The following METTL22 variants were observed in gnomAD, a reference collection of about 807,000 sequenced individuals.
The protein encoded by METTL22 is methyltransferase-like protein 22.
A neutral mutation model predicts 48.4 loss-of-function variants in METTL22; 51 were observed. The ratio of observed to expected loss-of-function variants is 1.05; its 90% CI spans 0.84 to 1.33. METTL22 has a LOEUF of 1.33. Ranked by LOEUF, METTL22 falls within the 40% of genes most tolerant of loss-of-function variation. The pLI is 0.00. For missense variants in METTL22, 678 were observed against 526.9 expected (o/e 1.29, Z -2.81); for synonymous variants, 255 against 214.1 (o/e 1.19, Z -1.67).
rs770518734 is a variant in METTL22, at chr16:8,642,577, G to T, written c.1010+12G>T. On this transcript the variant is annotated intron_variant, in intron 9 of 10. Transcript: ENST00000381920. Reference sequence around the variant, plus strand: ...TCGGTGGAGAAGAGGTGAGCTTTGCGCCACGGGAACCGTGCTGACGTCCCG... The same window carrying T: ...TCGGTGGAGAAGAGGTGAGCTTTGCTCCACGGGAACCGTGCTGACGTCCCG... 1.9e-6 allele frequency: 3 copies of T among 1,612,758 alleles called. No homozygotes were observed. The highest frequency in any genetic ancestry group is 2.5e-6 in the Non-Finnish European group (3 of 1,178,894).
intron 3 of METTL22, among the ~76,000 whole-genome samples, chr16:8,630,724 T>G (rs1284985274): frequency 6.6e-6 from 1 of 152,178 alleles, no homozygotes; most frequent in Non-Finnish European, 1.5e-5. Context: ...CAGCTTCCCC[T>G]CCTGCCCTGT....
the METTL22 span, among the ~76,000 whole-genome samples, chr16:8,657,789 T>C: frequency 6.6e-6 from 1 of 152,018 alleles, no homozygotes; most frequent in Non-Finnish European, 1.5e-5. Context: ...CTAAATCTAA[T>C]GACTGGTGTC....
At chr16:8,661,065 C>T in the METTL22 span, among the ~76,000 whole-genome samples, 1 of 152,188 alleles carries the variant, frequency 6.6e-6, no homozygotes, top group Non-Finnish European at 1.5e-5. Flanking sequence ...CCAGGTTCCG[C>T]GGCTTGAGGG....
At chr16:8,622,578 T>C (rs1338559155) in intron 1 of METTL22, among the ~76,000 whole-genome samples, 2 of 152,242 alleles carry the variant, frequency 1.3e-5, no homozygotes, top group African/African-American at 4.8e-5. Context: ...AGACTTTTCC[T>C]GACTAGAGAA....
At chr16:8,665,784 G>A in the METTL22 span, among the ~76,000 whole-genome samples, 18 of 152,188 alleles carry the variant, frequency 1.2e-4, no homozygotes, top group Admixed American at 7.2e-4. Flanking sequence ...CTGGCCAGGC[G>A]GAGACACCCC....
downstream of METTL22, among the ~76,000 whole-genome samples, chr16:8,650,931 G>A (rs1487347625): frequency 6.6e-6 from 1 of 152,182 alleles, no homozygotes; most frequent in Non-Finnish European, 1.5e-5. Context: ...GGCTGAGGCA[G>A]GAGAATTGGA....
At chr16:8,657,354 G>C in the METTL22 span, among the ~76,000 whole-genome samples, 3 of 152,174 alleles carry the variant, frequency 2.0e-5, no homozygotes, top group African/African-American at 7.2e-5. Context: ...TAATTTGTGC[G>C]TAGTTAAATA....
In METTL22 at chr16:8,626,377, A is replaced by G. The variant is rs544819153; in HGVS notation, c.133+579A>G. Among the ~76,000 whole-genome samples the G allele has an allele frequency of 5.5e-4, 84 of 151,896 alleles. 1 individual carries two copies. The highest frequency in any genetic ancestry group is 1.0e-3 in the Non-Finnish European group (71 of 68,008). On this transcript the variant is annotated intron_variant, in intron 2 of 10. Coordinates refer to ENST00000381920, the MANE Select transcript of METTL22 (RefSeq NM_024109.4). Reference sequence around the variant, plus strand: ...TGGGAATGCAGATACGAATGAGCCAAACTTTGCCGTCAGCAAGCCCAGGGT... The same window carrying G: ...TGGGAATGCAGATACGAATGAGCCAGACTTTGCCGTCAGCAAGCCCAGGGT...
rs75276235 is a variant in METTL22 at position 8,647,283 on chromosome 16, A to AT, written c.*1142dup. The AT allele has an allele frequency of 0.99, 153,417 of 155,334 alleles. 75,799 individuals carry two copies. The highest frequency in any genetic ancestry group is 1 in the Middle Eastern group (294 of 294). The allele number at this position is 155,334 out of a possible 1,614,324, so 9.6% of individuals were successfully genotyped here. A position where few individuals can be genotyped will look rare whatever the true frequency, so the allele number is the denominator to read the frequency against. On this transcript the variant is annotated 3_prime_UTR_variant, in exon 11 of 11. Coordinates refer to ENST00000381920, the MANE Select transcript of METTL22 (RefSeq NM_024109.4). Reference sequence around the variant, plus strand: ...AGGTCCGCAGCCTTGTGATACCCACATTACAGCGGAGAAGACTGAGGTCCA... The same window carrying AT: ...AGGTCCGCAGCCTTGTGATACCCACATTTACAGCGGAGAAGACTGAGGTCCA...
At chr16:8,623,474 G>T (rs1213774252) in intron 1 of METTL22, 1 of 152,180 alleles carries the variant, frequency 6.6e-6, no homozygotes, top group Non-Finnish European at 1.5e-5. Flanking sequence ...AGTCCTGAGA[G>T]AGCTTGATCT....
In METTL22 at chr16:8,625,793, A is replaced by C. The variant is rs2056028383; in HGVS notation, c.128A>C (p.Gln43Pro). ...ATGGTACGGCTGAACAGCGTGGGGC[A>C]GCCAGGTAAGGTCCTGGGCCCAGGT... ...HLMVRLNSVG[Q>P]PVFLSQFKLL... The change falls in exon 2 of 11, where the codon CAG becomes CCG. Residue 43 changes from glutamine (Q) to proline (P), a missense_variant. Physicochemically the swap from Gln to Pro is moderately conservative, Grantham distance 76. Coordinates refer to ENST00000381920, the MANE Select transcript of METTL22 (RefSeq NM_024109.4). 1.2e-6 allele frequency: 2 copies of C among 1,614,080 alleles called. No individual in the cohort carries two copies. Among genetic ancestry groups the C allele is most frequent in the Middle Eastern group, 3.3e-4 (2 of 6,062 alleles).
chr16:8,643,629 T>C (rs1453204424), intron 9 of METTL22, among the ~76,000 whole-genome samples: 1 of 152,160 alleles, frequency 6.6e-6, no homozygotes, highest in Non-Finnish European at 1.5e-5. Flanking sequence ...TTTTGTTTTT[T>C]TGAGGCAGAG....
At chr16:8,639,857 G>A (rs2056541609) in intron 6 of METTL22, among the ~76,000 whole-genome samples, 1 of 152,038 alleles carries the variant, frequency 6.6e-6, no homozygotes, top group Non-Finnish European at 1.5e-5. Flanking sequence ...CATGTTCTTG[G>A]GGATCTGGCC....
chr16:8,659,301 A>C, the METTL22 span, among the ~76,000 whole-genome samples: 11 of 151,696 alleles, frequency 7.3e-5, no homozygotes, highest in African/African-American at 2.4e-4. Flanking sequence ...TCTGTACTCT[A>C]GCCTGGGCAA....
intron 2 of METTL22, among the ~76,000 whole-genome samples, chr16:8,626,770 T>TC (rs2056073197): frequency 7.7e-6 from 1 of 130,380 alleles, no homozygotes; most frequent in South Asian, 2.7e-4. Context: ...TCTTTTTTTT[T>TC]TTTTTTTTTT....
At chr16:8,641,548 T>C (rs961922097) in intron 7 of METTL22, 393 of 497,070 alleles carry the variant, frequency 7.9e-4, no homozygotes, top group Non-Finnish European at 1.4e-3. Flanking sequence ...CAACAAACAG[T>C]GGTGCCAGGA....
At chr16:8,644,875 G>A in intron 10 of METTL22, 150 bp downstream of exon 10, 1 of 808,012 alleles carries the variant, frequency 1.2e-6, no homozygotes, top group Non-Finnish European at 1.8e-6. Flanking sequence ...ACCATCTGTA[G>A]TGGAACCTGT....
At chr16:8,631,568 TC>T (rs1387801890) in intron 3 of METTL22, 1 of 152,236 alleles carries the variant, frequency 6.6e-6, no homozygotes, top group Non-Finnish European at 1.5e-5. Flanking sequence ...GATTCAGTGT[TC>T]CGTAAATGTA....
intron 5 of METTL22, among the ~76,000 whole-genome samples, chr16:8,638,549 G>T (rs1006265700): frequency 6.6e-6 from 1 of 152,120 alleles, no homozygotes; most frequent in African/African-American, 2.4e-5. Flanking sequence ...AAGAGAGTGG[G>T]CTCAGCCTGT....
Sources: gnomAD v4.1 joint callset for allele counts (sites outside exome capture counted in the v4.1 genomes callset) on GRCh38, gnomAD v4.1.1 for gene constraint, MANE v1.5 for transcripts, NCBI Gene and HGNC (gene_info 2026-07-23, HGNC 2026-07-21) for gene names.